The following LRBA variants were observed in gnomAD, a reference collection of about 807,000 sequenced individuals.
The protein encoded by LRBA is lipopolysaccharide-responsive and beige-like anchor protein.
A neutral mutation model predicts 330.0 loss-of-function variants in LRBA; 176 were observed. The ratio of observed to expected loss-of-function variants is 0.53; its 90% confidence interval spans 0.47 to 0.60. The LOEUF (loss-of-function observed/expected upper bound fraction) is 0.60, where lower values mean the gene tolerates loss of function less well. Ranked by LOEUF, LRBA falls within the 20% of genes least tolerant of loss-of-function variation. The probability of loss-of-function intolerance (pLI) is 0.00; values close to 1 mark genes in which losing one functional copy is unlikely to be tolerated. For synonymous variants in LRBA, 1,230 were observed against 1,193.0 expected (o/e 1.03, Z -0.64); for missense variants, 3,259 against 3,444.8 (o/e 0.95, Z 1.35).
intron 29 of LRBA, among the ~76,000 whole-genome samples, chr4:150,830,590 ACCGTGCCCTAT>A (rs1747023084): frequency 6.6e-6 from 1 of 152,086 alleles, no homozygotes; most frequent in Non-Finnish European, 1.5e-5. Context: ...AACCATGCCC[ACCGTGCCCTAT>A]CCAAATCTAA....
rs1362322143 is a variant in LRBA, at chr4:150,821,426, T to C, written c.5172-4169A>G. On this transcript the variant is annotated intron_variant, in intron 30 of 56. Transcript: ENST00000651943. ...CATATTATTATGCTAATTTTACAAA[T>C]GAGAAAGAAGTAATTTTCCTAAAGT... Among the ~76,000 whole-genome samples the C allele has an allele frequency of 2.6e-5, 4 of 151,976 alleles. No individual in the cohort carries two copies. The East Asian group carries it at 7.7e-4, about 29-fold the overall frequency.
chr4:150,505,976 G>C (rs978666534), intron 40 of LRBA, among the ~76,000 whole-genome samples: 1 of 152,186 alleles, frequency 6.6e-6, no homozygotes, highest in Non-Finnish European at 1.5e-5. Context: ...AGAAAATCTA[G>C]AAGACATGGA....
intron 53 of LRBA, among the ~76,000 whole-genome samples, chr4:150,292,920 A>C (rs894559845): frequency 1.3e-5 from 2 of 152,172 alleles, no homozygotes; most frequent in South Asian, 4.1e-4. Flanking sequence ...GACCACCAAT[A>C]TAATTTTCTT....
chr4:150,742,859 C>T (rs1274234077), intron 35 of LRBA, among the ~76,000 whole-genome samples: 3 of 152,200 alleles, frequency 2.0e-5, no homozygotes, highest in Non-Finnish European at 4.4e-5. Context: ...GATGGCATCA[C>T]TGCACTGCAG....
At chr4:150,973,330 G>A (rs931011381) in intron 2 of LRBA, among the ~76,000 whole-genome samples, 4 of 152,098 alleles carry the variant, frequency 2.6e-5, no homozygotes, top group Admixed American at 1.3e-4. Context: ...ACCACGCCCA[G>A]CTAATTTTGT....
rs995461854 is a variant in LRBA at position 150,570,553 on chromosome 4, C to T, written c.6330+17495G>A. Among the ~76,000 whole-genome samples the T allele has an allele frequency of 3.3e-5, 5 of 152,102 alleles. 1 individual carries two copies. The highest frequency in any genetic ancestry group is 2.6e-4 in the Admixed American group (4 of 15,236). On this transcript the variant is annotated intron_variant, in intron 40 of 56. Coordinates refer to ENST00000651943, the MANE Select transcript of LRBA (RefSeq NM_001364905.1). ...CTGAAGAAATAACACATGTCATCTT[C>T]TCTTTGTAAGCAATATATTTAAGAT...
chr4:150,654,693 C>T (rs1485019597), intron 37 of LRBA, among the ~76,000 whole-genome samples: 9 of 152,162 alleles, frequency 5.9e-5, no homozygotes, highest in Non-Finnish European at 1.2e-4. Context: ...TCCCTACCCC[C>T]TCCCCCTACC....
chr4:150,452,024 A>G (rs1291877114), intron 44 of LRBA, among the ~76,000 whole-genome samples: 1 of 152,202 alleles, frequency 6.6e-6, no homozygotes, highest in Non-Finnish European at 1.5e-5. Context: ...ATAATTGTAT[A>G]TCATCTTTTC....
At chr4:150,611,972 G>A (rs934674080) in intron 37 of LRBA, among the ~76,000 whole-genome samples, 3 of 152,016 alleles carry the variant, frequency 2.0e-5, no homozygotes, top group East Asian at 1.9e-4. Context: ...GCACAATCAC[G>A]GTTCACTGCA....
chr4:150,743,321 A>G (rs751166849), intron 35 of LRBA, among the ~76,000 whole-genome samples: 1 of 152,198 alleles, frequency 6.6e-6, no homozygotes, highest in Non-Finnish European at 1.5e-5. Context: ...GCAGAAAAAC[A>G]TGTGGAAAAT....
At chr4:150,710,028 T>C (rs1193059492) in intron 36 of LRBA, among the ~76,000 whole-genome samples, 1 of 152,056 alleles carries the variant, frequency 6.6e-6, no homozygotes, top group Non-Finnish European at 1.5e-5. Flanking sequence ...ATGAACAACA[T>C]ATACTAAATT....
chr4:150,919,751 A>T (rs1482502059), intron 5 of LRBA, among the ~76,000 whole-genome samples: 1 of 152,230 alleles, frequency 6.6e-6, no homozygotes, highest in African/African-American at 2.4e-5. Context: ...GACTACTTTA[A>T]ATTCCCAGTA....
Position 150,487,809 on chromosome 4 carries a change from G to T in LRBA, c.6474C>A (p.Asp2158Glu). 1 of 1,591,240 alleles carries T rather than the reference G, an allele frequency of 6.3e-7. No individual in the cohort carries two copies. Among genetic ancestry groups the T allele is most frequent in the Non-Finnish European group, 8.6e-7 (1 of 1,164,090 alleles). The change falls in exon 42 of 57, where the codon GAC becomes GAA. Residue 2158 changes from aspartate (D) to glutamate (E), a missense_variant. Coordinates refer to ENST00000651943, the MANE Select transcript of LRBA (RefSeq NM_001364905.1). ...NRVAVMFNFP[D>E]PATVKKVVNY... ...TAACCACTTTCTTTACTGTTGCAGG[G>T]TCTGGGAAGTTGAACATCACAGCAA...
chr4:150,516,936 CA>C (rs1331712924), intron 40 of LRBA, among the ~76,000 whole-genome samples: 1 of 151,808 alleles, frequency 6.6e-6, no homozygotes, highest in Non-Finnish European at 1.5e-5. Context: ...TTCATAGTGA[CA>C]AAAAAATGAA....
At chr4:150,614,716 T>C (rs148961478) in intron 37 of LRBA, among the ~76,000 whole-genome samples, 30 of 152,182 alleles carry the variant, frequency 2.0e-4, no homozygotes, top group African/African-American at 6.3e-4. Context: ...AAAAAGAACA[T>C]AGGAAAGGTC....
chr4:150,621,494 C>A (rs990157026), intron 37 of LRBA, among the ~76,000 whole-genome samples: 1 of 152,116 alleles, frequency 6.6e-6, no homozygotes, highest in Non-Finnish European at 1.5e-5. Flanking sequence ...TAGAACAGCA[C>A]TAGTTCTGAT....
At chr4:150,993,698 G>A (rs1742344224) in intron 2 of LRBA, among the ~76,000 whole-genome samples, 1 of 152,120 alleles carries the variant, frequency 6.6e-6, no homozygotes, top group Non-Finnish European at 1.5e-5. Flanking sequence ...AAAAGAGGAA[G>A]ATGCAAAAGC....
rs540652583 is a variant in LRBA, at chr4:150,583,869, C to T, written c.6330+4179G>A. 6.2e-7 allele frequency: 1 copy of T among 1,613,922 alleles called. No individual in the cohort carries two copies. The highest frequency in any genetic ancestry group is 1.3e-5 in the African/African-American group (1 of 75,062). On this transcript the variant is annotated intron_variant, in intron 40 of 56. Coordinates refer to ENST00000651943, the MANE Select transcript of LRBA (RefSeq NM_001364905.1). The surrounding 1 kb of genome is among the most constrained non-coding windows in gnomAD (Gnocchi z 9.8). ...ACCACATGAAGACGCTGCTGCTGTA[C>T]GAGTGCGAGAAACACCCACGAGAAA...
intron 2 of LRBA, among the ~76,000 whole-genome samples, chr4:150,977,658 A>G (rs903945595): frequency 6.6e-6 from 1 of 152,208 alleles, no homozygotes; most frequent in Non-Finnish European, 1.5e-5. Flanking sequence ...CTGGGCCAGA[A>G]GAGAGCCTGC....
Sources: allele counts gnomAD v4.1 joint callset (sites outside exome capture counted in the v4.1 genomes callset), GRCh38; gene constraint gnomAD v4.1.1; non-coding constraint Gnocchi (gnomAD v3.1); transcripts MANE v1.5; gene names NCBI Gene and HGNC (gene_info 2026-07-23, HGNC 2026-07-21).